Variants in SLC22A14 observed in about 807,000 individuals in gnomAD.
The protein encoded by SLC22A14 is organic cation transporter-like 4.
A neutral mutation model predicts 53.9 loss-of-function variants in SLC22A14; 50 were observed. The ratio of observed to expected loss-of-function variants is 0.93; its 90% CI spans 0.74 to 1.17. The LOEUF is 1.17. SLC22A14 is among the 50% of genes most tolerant of loss of function. The probability of loss-of-function intolerance (pLI) is 0.00; values close to 1 mark genes in which losing one functional copy is unlikely to be tolerated. For missense variants in SLC22A14, 671 were observed against 734.7 expected (o/e 0.91, Z 1.00); for synonymous variants, 312 against 303.0 (o/e 1.03, Z -0.31).
intron 1 of SLC22A14, among the ~76,000 whole-genome samples, chr3:38,294,974 T>G (rs1266928188): frequency 1.3e-5 from 2 of 152,188 alleles, no homozygotes; most frequent in East Asian, 3.8e-4. Flanking sequence ...GTTTTTTGAT[T>G]CTGTAAGTAC....
chr3:38,309,613 G>C (rs1345813324), intron 5 of SLC22A14, among the ~76,000 whole-genome samples: 1 of 152,156 alleles, frequency 6.6e-6, no homozygotes. Flanking sequence ...CAGATGTTTT[G>C]AGTGTAGGGG....
At chr3:38,314,197 C>G (rs1232387003) in intron 8 of SLC22A14, among the ~76,000 whole-genome samples, 1 of 152,200 alleles carries the variant, frequency 6.6e-6, no homozygotes, top group Non-Finnish European at 1.5e-5. Context: ...CAGAGGACAG[C>G]AGGCAGCCTT....
intron 5 of SLC22A14, among the ~76,000 whole-genome samples, chr3:38,309,803 G>A (rs818816): frequency 0.85 from 129,845 of 152,072 alleles, 55,518 homozygotes; most frequent in Non-Finnish European, 0.88. Context: ...AGAAGCTGAA[G>A]GAACCCACGT....
intron 1 of SLC22A14, among the ~76,000 whole-genome samples, chr3:38,293,436 A>C (rs1703956784): frequency 6.6e-6 from 1 of 152,110 alleles, no homozygotes; most frequent in Non-Finnish European, 1.5e-5. Flanking sequence ...AAGGTTACCA[A>C]GTTCAATAGG....
intron 1 of SLC22A14, among the ~76,000 whole-genome samples, chr3:38,297,912 T>C (rs561827514): frequency 6.6e-6 from 1 of 152,348 alleles, no homozygotes; most frequent in African/African-American, 2.4e-5. Context: ...CTAATTTTAA[T>C]ATTCATCAAT....
rs1173451784 is a variant in SLC22A14, at chr3:38,289,180, C to CAAA, written c.-1+6864_-1+6866dup. Among the ~76,000 whole-genome samples, 407 of 52,038 alleles carry CAAA rather than the reference C, an allele frequency of 7.8e-3. 14 individuals are homozygous for CAAA. The East Asian group carries it at 0.082, about 11-fold the overall frequency. The allele number at this position is 52,038 out of a possible 152,430, so 34.1% of individuals were successfully genotyped here. A position where few individuals can be genotyped will look rare whatever the true frequency, so the allele number is the denominator to read the frequency against. On this transcript the variant is annotated intron_variant, in intron 1 of 10. Transcript: ENST00000448498. The stretch of plus-strand genomic sequence containing the variant: ...GTGACAGAGTGTGACTCTATCTCTA[C>CAAA]AAAAAAAAAAAAAAAAAAAAAAAAA...
intron 1 of SLC22A14, among the ~76,000 whole-genome samples, chr3:38,284,081 C>T (rs1703733525): frequency 6.6e-6 from 1 of 152,184 alleles, no homozygotes; most frequent in Non-Finnish European, 1.5e-5. Flanking sequence ...GTCCCGTAGA[C>T]GATGAGCTGG....
intron 8 of SLC22A14, 25 bp downstream of exon 8, chr3:38,313,966 C>G: frequency 6.3e-7 from 1 of 1,589,022 alleles, no homozygotes; most frequent in Non-Finnish European, 8.6e-7. Flanking sequence ...TCCCCTGTGG[C>G]CTGCCCACAG....
chr3:38,295,727 T>TTCTCCTCTCTGTCTCTCTC (rs1282004234), intron 1 of SLC22A14, among the ~76,000 whole-genome samples: 1 of 149,038 alleles, frequency 6.7e-6, no homozygotes, highest in Non-Finnish European at 1.5e-5. Flanking sequence ...CTCTGCCTCT[T>TTCTCCTCTCTGTCTCTCTC]TCTCCTCTCT....
At chr3:38,293,283 T>C (rs979191272) in intron 1 of SLC22A14, among the ~76,000 whole-genome samples, 15 of 152,194 alleles carry the variant, frequency 9.9e-5, no homozygotes, top group Admixed American at 3.3e-4. Context: ...CAAGCCTTAT[T>C]AGGCATTCAA....
chr3:38,289,214 A>G (rs1340697775), intron 1 of SLC22A14, among the ~76,000 whole-genome samples: 2 of 151,908 alleles, frequency 1.3e-5, no homozygotes, highest in Non-Finnish European at 2.9e-5. Context: ...AATTGCAAAA[A>G]AATGAACACA....
At chr3:38,289,242 A>G (rs1300566475) in intron 1 of SLC22A14, among the ~76,000 whole-genome samples, 1 of 150,896 alleles carries the variant, frequency 6.6e-6, no homozygotes, top group African/African-American at 2.4e-5. Flanking sequence ...CATTCCTTCC[A>G]CACCCAGATT....
At chr3:38,314,263 A>C (rs1704564891) in intron 8 of SLC22A14, among the ~76,000 whole-genome samples, 1 of 152,240 alleles carries the variant, frequency 6.6e-6, no homozygotes, top group Non-Finnish European at 1.5e-5. Flanking sequence ...CATGTGAATA[A>C]ATGATGGCAA....
Position 38,308,996 on chromosome 3 carries a change from T to C in SLC22A14, c.818T>C (p.Ile273Thr). The change falls in exon 5 of 11, where the codon ATC (isoleucine) becomes ACC (threonine). Residue 273 changes from isoleucine (I) to threonine (T), a missense_variant. Ile to Thr is a moderately conservative substitution (Grantham distance 89). Transcript: ENST00000448498. ...LVGEHRAHAI[I>T]LGHCFFAVGA... Reference sequence around the variant, plus strand: ...GGTGAGCACCGGGCCCATGCCATTATCCTGGGACACTGCTTTTTCGCTGTT... The same window carrying C: ...GGTGAGCACCGGGCCCATGCCATTACCCTGGGACACTGCTTTTTCGCTGTT... 2 of 1,614,200 alleles carry C rather than the reference T, an allele frequency of 1.2e-6. No individual in the cohort carries two copies. The highest frequency in any genetic ancestry group is 8.5e-7 in the Non-Finnish European group (1 of 1,179,982).
intron 1 of SLC22A14, among the ~76,000 whole-genome samples, chr3:38,300,335 G>T (rs746511415): frequency 6.6e-6 from 1 of 152,150 alleles, no homozygotes; most frequent in Non-Finnish European, 1.5e-5. Flanking sequence ...AGCTACTCGG[G>T]AGCCTGAGGT....
Position 38,318,394 on chromosome 3 carries a change from T to C in SLC22A14, c.*145T>C. The C allele has an allele frequency of 1.3e-6, 1 of 771,872 alleles. No individual in the cohort carries two copies. The highest frequency in any genetic ancestry group is 2.2e-6 in the Non-Finnish European group (1 of 446,950). 47.8% of individuals were successfully genotyped at this position (771,872 alleles called of 1,614,324 possible). A position where few individuals can be genotyped will look rare whatever the true frequency, so the allele number is the denominator to read the frequency against. On this transcript the variant is annotated 3_prime_UTR_variant, in exon 11 of 11. Coordinates refer to ENST00000448498, the MANE Select transcript of SLC22A14 (RefSeq NM_001320033.2). ...GGCCAGGCCCCCAGACCATCTTGGGTTGGAATTGAGTGGCCAAGTATGGGG... is the reference window on the plus strand; with the variant it reads ...GGCCAGGCCCCCAGACCATCTTGGGCTGGAATTGAGTGGCCAAGTATGGGG...
chr3:38,317,020 A>G (rs533325439), intron 10 of SLC22A14, among the ~76,000 whole-genome samples: 1 of 152,252 alleles, frequency 6.6e-6, no homozygotes, highest in East Asian at 1.9e-4. Flanking sequence ...GTTCCACCCA[A>G]CACCTCCATG....
At chr3:38,293,217 G>C (rs1188134698) in intron 1 of SLC22A14, among the ~76,000 whole-genome samples, 1 of 152,210 alleles carries the variant, frequency 6.6e-6, no homozygotes, top group African/African-American at 2.4e-5. Context: ...TGAGGGGGCA[G>C]CTTATTTCTA....
chr3:38,300,166 G>C (rs1340735591), intron 1 of SLC22A14, among the ~76,000 whole-genome samples: 3 of 152,230 alleles, frequency 2.0e-5, no homozygotes, highest in African/African-American at 7.2e-5. Flanking sequence ...AAGGCCAGGT[G>C]CAGTGGCTCA....
Sources: gnomAD v4.1 joint callset for allele counts (sites outside exome capture counted in the v4.1 genomes callset) on GRCh38, gnomAD v4.1.1 for gene constraint, MANE v1.5 for transcripts, NCBI Gene and HGNC (gene_info 2026-07-23, HGNC 2026-07-21) for gene names.